The following AAMDC variants were observed in gnomAD, a reference collection of about 807,000 sequenced individuals.
AAMDC encodes the protein adipogenesis associated Mth938 domain containing.
A neutral mutation model predicts 15.5 loss-of-function variants in AAMDC; 16 were observed. That is an observed-to-expected ratio of 1.03 (90% CI 0.70 to 1.57). The LOEUF (loss-of-function observed/expected upper bound fraction) is 1.57, where lower values mean the gene tolerates loss of function less well. AAMDC is among the 40% of genes most tolerant of loss of function. The pLI is 0.00. For synonymous variants in AAMDC, 51 were observed against 51.6 expected (o/e 0.99, Z 0.05); for missense variants, 141 against 144.9 (o/e 0.97, Z 0.14).
Position 77,872,054 on chromosome 11 carries a change from A to C in AAMDC, c.229-121A>C, listed in dbSNP as rs188282943. 7.0e-6 allele frequency: 8 copies of C among 1,135,408 alleles called. No individual in the cohort carries two copies. In the East Asian group the frequency reaches 2.2e-4, roughly 32 times the overall value. 70.3% of individuals were successfully genotyped at this position (1,135,408 alleles called of 1,614,324 possible). On this transcript the variant is annotated intron_variant, in intron 3 of 3. Transcript: ENST00000393427. ...CAAATTTTGGACTGGTGATACACTGAGTGATCGTGAAGTGACGATTGTCAC... is the reference window on the plus strand; with the variant it reads ...CAAATTTTGGACTGGTGATACACTGCGTGATCGTGAAGTGACGATTGTCAC...
At chr11:77,857,704 T>G (rs1240553420) in intron 2 of AAMDC, among the ~76,000 whole-genome samples, 1 of 151,720 alleles carries the variant, frequency 6.6e-6, no homozygotes, top group Non-Finnish European at 1.5e-5. Context: ...AAGTTGTTTT[T>G]TTTTTTTTTT....
intron 1 of AAMDC, among the ~76,000 whole-genome samples, chr11:77,826,530 T>C (rs1269412256): frequency 2.0e-5 from 3 of 152,210 alleles, no homozygotes; most frequent in African/African-American, 7.2e-5. Flanking sequence ...CCAGAAAGGC[T>C]GTACTGACTG....
intron 2 of AAMDC, among the ~76,000 whole-genome samples, chr11:77,868,347 G>GC (rs1164134619): frequency 8.1e-6 from 1 of 122,946 alleles, no homozygotes; most frequent in Admixed American, 8.6e-5. Flanking sequence ...GAGCCACCAC[G>GC]CCCAGCCGCC....
chr11:77,872,213 C>T lies in AAMDC; in HGVS notation c.267C>T (p.Gly89=). 5 of 1,613,870 alleles carry T rather than the reference C, an allele frequency of 3.1e-6. No homozygotes were observed. Among genetic ancestry groups the T allele is most frequent in the African/African-American group, 1.3e-5 (1 of 75,034 alleles). The change falls in exon 4 of 4, where the codon GGC becomes GGT. Residue 89 remains glycine (G), a synonymous_variant. Coordinates refer to ENST00000393427, the MANE Select transcript of AAMDC (RefSeq NM_024684.4). ...SSTVEYLKKH[G]IDVRVLQTEQ... ...CTGTGGAGTACCTCAAGAAACATGG[C>T]ATTGATGTGCGGGTCCTCCAGACAG...
intron 2 of AAMDC, among the ~76,000 whole-genome samples, chr11:77,853,775 T>C (rs1950495274): frequency 6.6e-6 from 1 of 151,880 alleles, no homozygotes; most frequent in South Asian, 2.1e-4. Flanking sequence ...ACCCTGTCTC[T>C]ACTAAAAATA....
At chr11:77,833,612 G>A (rs920037069) in intron 1 of AAMDC, among the ~76,000 whole-genome samples, 3 of 152,188 alleles carry the variant, frequency 2.0e-5, no homozygotes, top group Admixed American at 6.5e-5. Context: ...TAGCAGGCCT[G>A]TACCCAGGGG....
At chr11:77,840,983 T>C (rs974155074) in intron 1 of AAMDC, 9 of 508,662 alleles carry the variant, frequency 1.8e-5, no homozygotes, top group African/African-American at 9.4e-5. Context: ...CTGGGTAATT[T>C]AAAATTTATA....
Position 77,833,007 on chromosome 11 carries a change from A to ATTTT in AAMDC, c.-18-9471_-18-9470insTTTT, listed in dbSNP as rs1413082849. On this transcript the variant is annotated intron_variant, in intron 1 of 3. Coordinates refer to ENST00000393427, the MANE Select transcript of AAMDC (RefSeq NM_024684.4). ...TGTGTGTGTGTGTGTGTATATATAT[A>ATTTT]TATTTTTTTTTTTTTTTTTTTTGAG... 6.4e-4 allele frequency among the ~76,000 whole-genome samples: 33 copies of ATTTT among 51,948 alleles called. 5 individuals are homozygous for ATTTT. The highest frequency in any genetic ancestry group is 1.5e-3 in the African/African-American group (16 of 10,328). The allele number at this position is 51,948 out of a possible 152,430, so 34.1% of individuals were successfully genotyped here. A position where few individuals can be genotyped will look rare whatever the true frequency, so the allele number is the denominator to read the frequency against.
At chr11:77,882,332 T>TG (rs1951826965) in intron 5 of AAMDC, among the ~76,000 whole-genome samples, 1 of 152,094 alleles carries the variant, frequency 6.6e-6, no homozygotes, top group South Asian at 2.1e-4. Flanking sequence ...ACCTTGAGCT[T>TG]GGGGGCAGAT....
intron 3 of AAMDC, among the ~76,000 whole-genome samples, chr11:77,870,613 G>A (rs1049242909): frequency 6.6e-6 from 1 of 151,852 alleles, no homozygotes; most frequent in South Asian, 2.1e-4. Context: ...TTGGGATTAC[G>A]GGTGTGAGCC....
chr11:77,858,651 G>C (rs1375707585), intron 2 of AAMDC, among the ~76,000 whole-genome samples: 1 of 152,112 alleles, frequency 6.6e-6, no homozygotes, highest in Non-Finnish European at 1.5e-5. Context: ...GAAAACCCAA[G>C]TGCTGTTGGG....
At chr11:77,861,946 C>A (rs920621157) in intron 2 of AAMDC, among the ~76,000 whole-genome samples, 1 of 152,178 alleles carries the variant, frequency 6.6e-6, no homozygotes. Flanking sequence ...TAAGATTAGT[C>A]GGCCTTCAGT....
At chr11:77,857,468 A>C (rs927915299) in intron 2 of AAMDC, among the ~76,000 whole-genome samples, 36 of 152,184 alleles carry the variant, frequency 2.4e-4, no homozygotes, top group African/African-American at 8.7e-4. Flanking sequence ...ATATCTACAA[A>C]TATTTATTTT....
chr11:77,861,155 C>T (rs1267309103), intron 2 of AAMDC, among the ~76,000 whole-genome samples: 1 of 152,060 alleles, frequency 6.6e-6, no homozygotes, highest in African/African-American at 2.4e-5. Flanking sequence ...GGATTAATTC[C>T]TTCCTCAAGC....
chr11:77,845,526 G>T (rs1322079589), intron 2 of AAMDC, among the ~76,000 whole-genome samples: 3 of 152,034 alleles, frequency 2.0e-5, no homozygotes, highest in Non-Finnish European at 2.9e-5. Context: ...CGCCTCCCAG[G>T]TTCAAGCAAT....
intron 5 of AAMDC, among the ~76,000 whole-genome samples, chr11:77,880,531 G>A (rs1391386147): frequency 6.6e-6 from 1 of 152,144 alleles, no homozygotes; most frequent in East Asian, 1.9e-4. Context: ...CTGATACCAG[G>A]CTCCAGATGA....
chr11:77,823,214 CAAAA>C (rs746182266), intron 1 of AAMDC, among the ~76,000 whole-genome samples: 59 of 92,726 alleles, frequency 6.4e-4, no homozygotes, highest in Admixed American at 5.3e-3. Context: ...GACTCCGTCT[CAAAA>C]AAAAAAAAAA....
intron 2 of AAMDC, among the ~76,000 whole-genome samples, chr11:77,867,437 A>G (rs1951170056): frequency 6.6e-6 from 1 of 152,132 alleles, no homozygotes; most frequent in African/African-American, 2.4e-5. Flanking sequence ...TTCTCATCCT[A>G]CTACAAATAT....
chr11:77,896,743 T>A (rs1478267038), intron 5 of AAMDC, among the ~76,000 whole-genome samples: 3 of 137,362 alleles, frequency 2.2e-5, no homozygotes, highest in Admixed American at 7.1e-5. Flanking sequence ...GAAAAATAGA[T>A]CCAGAAAATC....
Sources: gnomAD v4.1 joint callset for allele counts (sites outside exome capture counted in the v4.1 genomes callset) on GRCh38, gnomAD v4.1.1 for gene constraint, MANE v1.5 for transcripts, NCBI Gene and HGNC (gene_info 2026-07-23, HGNC 2026-07-21) for gene names.